RRN3: variants seen among roughly 807,000 people sequenced by gnomAD.
RRN3 encodes the protein RNA polymerase I-specific transcription initiation factor RRN3.
RRN3 carries 38 observed loss-of-function variants against 82.3 expected under a neutral mutation model. The observed-to-expected ratio is 0.46, with a 90% CI of 0.36 to 0.61. RRN3 has a LOEUF of 0.61. Ranked by LOEUF, RRN3 falls within the 20% of genes least tolerant of loss-of-function variation. The pLI, the probability that RRN3 is intolerant of heterozygous loss-of-function variation, is 0.00. For missense variants in RRN3, 726 were observed against 793.1 expected (o/e 0.92, Z 1.02); for synonymous variants, 284 against 284.3 (o/e 1.00, Z 0.01).
intron 2 of RRN3, among the ~76,000 whole-genome samples, chr16:15,092,188 A>C (rs2046159726): frequency 6.6e-6 from 1 of 152,148 alleles, no homozygotes; most frequent in South Asian, 2.1e-4. Context: ...CAAATAAATA[A>C]ATAAATAAAA....
At chr16:15,074,571 A>G in intron 11 of RRN3, 152 bp downstream of exon 11, 1 of 471,834 alleles carries the variant, frequency 2.1e-6, no homozygotes, top group East Asian at 3.4e-5. Flanking sequence ...GTGACTGGCA[A>G]GTAACTTGAC....
chr16:15,067,906 G>A (rs1482584998), intron 15 of RRN3, among the ~76,000 whole-genome samples: 1 of 151,404 alleles, frequency 6.6e-6, no homozygotes, highest in Admixed American at 6.6e-5. Context: ...TACAGGCACA[G>A]GCAACCACAC....
intron 1 of RRN3, among the ~76,000 whole-genome samples, chr16:15,093,565 T>C (rs1440125780): frequency 1.3e-5 from 2 of 152,168 alleles, no homozygotes; most frequent in Non-Finnish European, 2.9e-5. Flanking sequence ...ATAATTATTA[T>C]GAATCATATT....
intron 3 of RRN3, 43 bp downstream of exon 3, chr16:15,091,272 A>G: frequency 6.2e-7 from 1 of 1,604,906 alleles, no homozygotes; most frequent in Non-Finnish European, 8.5e-7. Context: ...GTCTGTATAC[A>G]GTGGCAATAA....
chr16:15,066,526 G>A (rs1264822747), intron 15 of RRN3, among the ~76,000 whole-genome samples: 14 of 151,706 alleles, frequency 9.2e-5, no homozygotes, highest in Non-Finnish European at 1.2e-4. Context: ...CCAGCTATTC[G>A]GGAGGCTGAG....
chr16:15,092,295 ACT>A (rs1350739609), intron 2 of RRN3, among the ~76,000 whole-genome samples: 1 of 152,130 alleles, frequency 6.6e-6, no homozygotes, highest in Non-Finnish European at 1.5e-5. Context: ...AGACATTATT[ACT>A]CTCTCATTAT....
At chr16:15,066,401 G>T (rs538013753) in intron 15 of RRN3, among the ~76,000 whole-genome samples, 1 of 152,128 alleles carries the variant, frequency 6.6e-6, no homozygotes, top group African/African-American at 2.4e-5. Context: ...GGGAGGTTGA[G>T]GCAGGCGGTT....
At chr16:15,075,914 C>A (rs564708227) in intron 10 of RRN3, among the ~76,000 whole-genome samples, 1 of 152,224 alleles carries the variant, frequency 6.6e-6, no homozygotes, top group African/African-American at 2.4e-5. Flanking sequence ...AGAAAGGAGC[C>A]AGGACCACCC....
In RRN3 at chr16:15,094,269, G is replaced by C; in HGVS notation, c.-36C>G. The C allele has an allele frequency of 6.7e-7, 1 of 1,487,402 alleles. No individual in the cohort carries two copies. Among genetic ancestry groups the C allele is most frequent in the Non-Finnish European group, 9.2e-7 (1 of 1,090,336 alleles). The allele number at this position is 1,487,402 out of a possible 1,614,324, so 92.1% of individuals were successfully genotyped here. A position where few individuals can be genotyped will look rare whatever the true frequency, so the allele number is the denominator to read the frequency against. Reference sequence around the variant, plus strand: ...TAACGCGACCGCTGCGCCTCAGGCCGGATGCCCAGCTCCTTCCAGCCACAG... The same window carrying C: ...TAACGCGACCGCTGCGCCTCAGGCCCGATGCCCAGCTCCTTCCAGCCACAG... On this transcript the variant is annotated 5_prime_UTR_variant, in exon 1 of 18. Transcript: ENST00000198767.
chr16:15,092,081 A>G (rs1412731297), intron 2 of RRN3, among the ~76,000 whole-genome samples: 1 of 152,196 alleles, frequency 6.6e-6, no homozygotes, highest in Non-Finnish European at 1.5e-5. Context: ...CGGAAGACTG[A>G]GGCAGGAGAA....
At chr16:15,073,205 C>A (rs1883435130) in intron 11 of RRN3, 125 bp from the exon 12 acceptor site, 2 of 1,090,148 alleles carry the variant, frequency 1.8e-6, no homozygotes, top group South Asian at 2.8e-5. Context: ...GTGGCTCCTG[C>A]CTGCAATCCC....
chr16:15,090,938 GA>G (rs1396779797), intron 3 of RRN3, among the ~76,000 whole-genome samples: 1 of 151,354 alleles, frequency 6.6e-6, no homozygotes, highest in Non-Finnish European at 1.5e-5. Context: ...CAGCATGGAG[GA>G]AAGAGGTAGT....
At chr16:15,070,996 G>A (rs2045201100) in intron 13 of RRN3, 125 bp downstream of exon 13, 1 of 748,334 alleles carries the variant, frequency 1.3e-6, no homozygotes, top group East Asian at 2.6e-5. Flanking sequence ...ATCTTGCACA[G>A]AGTAGGGATT....
At chr16:15,067,972 C>A (rs1310043954) in intron 15 of RRN3, among the ~76,000 whole-genome samples, 197 bp downstream of exon 15, 1 of 151,794 alleles carries the variant, frequency 6.6e-6, no homozygotes. Flanking sequence ...GTTGCTCAGG[C>A]TGGTCTTTTA....
chr16:15,073,134 A>T, intron 11 of RRN3, 54 bp from the exon 12 acceptor site: 1 of 1,574,330 alleles, frequency 6.4e-7, no homozygotes, highest in Admixed American at 1.9e-5. Context: ...TTCAAGTTTC[A>T]TCTGCCATAT....
intron 16 of RRN3, 72 bp from the exon 17 acceptor site, chr16:15,063,355 T>C (rs2044799764): frequency 2.8e-6 from 3 of 1,090,076 alleles, no homozygotes; most frequent in Non-Finnish European, 2.8e-6. Flanking sequence ...TTGGATCTTT[T>C]CTCACAAGAT....
chr16:15,081,818 TTTA>T (rs1267532967), intron 8 of RRN3, among the ~76,000 whole-genome samples: 1 of 152,226 alleles, frequency 6.6e-6, no homozygotes, highest in Non-Finnish European at 1.5e-5. Flanking sequence ...ATGTAGGGCT[TTTA>T]TTGAGTTCAT....
At chr16:15,066,292 C>A (rs1309322089) in intron 15 of RRN3, among the ~76,000 whole-genome samples, 2 of 152,154 alleles carry the variant, frequency 1.3e-5, no homozygotes, top group Non-Finnish European at 1.5e-5. Context: ...GGGTGTGTGA[C>A]AAGGAAGCAT....
In RRN3 at chr16:15,074,795, G is replaced by T; in HGVS notation, c.925C>A (p.Pro309Thr). The T allele has an allele frequency of 6.2e-7, 1 of 1,614,016 alleles. No individual in the cohort carries two copies. The highest frequency in any genetic ancestry group is 8.5e-7 in the Non-Finnish European group (1 of 1,179,988). ...AGGATGTCCAGGCGCTCGGCTACAG[G>T]ATGCACCATCTGGTCGAGCCGTTCA... ...GPERLDQMVH[P>T]VAERLDILMS... is the part of the protein sequence containing the mutation. The change falls in exon 11 of 18, where the codon CCT becomes ACT. Residue 309 changes from proline to threonine, a missense_variant. By Grantham distance (38) the Pro-to-Thr change is conservative (BLOSUM62 -1). Around this residue, in one of 4 missense-constraint regions of RRN3, gnomAD observed 344 missense variants for 394.5 expected, o/e 0.87. Coordinates refer to ENST00000198767, the MANE Select transcript of RRN3 (RefSeq NM_018427.5).
Sources: gnomAD v4.1 joint callset for allele counts (sites outside exome capture counted in the v4.1 genomes callset) on GRCh38, gnomAD v4.1.1 for gene constraint, gnomAD v4.1.1 regional missense constraint, MANE v1.5 for transcripts, NCBI Gene and HGNC (gene_info 2026-07-23, HGNC 2026-07-21) for gene names.